Variants in WDR7 observed in about 807,000 individuals in gnomAD.
WDR7 encodes WD repeat-containing protein 7.
In WDR7, 46 loss-of-function variants were observed where a neutral mutation model predicts 169.4. The observed-to-expected ratio is 0.27, with a 90% CI of 0.21 to 0.35. The LOEUF is 0.35. WDR7 is among the 10% of genes least tolerant of loss of function. The pLI is 1.00. For synonymous variants in WDR7, 612 were observed against 666.8 expected (o/e 0.92, Z 1.27); for missense variants, 1,534 against 1,859.3 (o/e 0.83, Z 3.22).
chr18:56,829,160 G>T (rs1205666394), intron 20 of WDR7, among the ~76,000 whole-genome samples: 1 of 150,886 alleles, frequency 6.6e-6, no homozygotes, highest in Non-Finnish European at 1.5e-5. Flanking sequence ...GTGGTGGTGT[G>T]CACCTGTAGT....
chr18:56,826,777 C>A (rs948177257), intron 20 of WDR7, among the ~76,000 whole-genome samples: 17 of 152,102 alleles, frequency 1.1e-4, no homozygotes, highest in Admixed American at 2.0e-4. Context: ...TCTTTGTTTA[C>A]CCTTTCTGTA....
intron 20 of WDR7, among the ~76,000 whole-genome samples, chr18:56,862,695 T>C (rs924838924): frequency 6.6e-6 from 1 of 151,884 alleles, no homozygotes; most frequent in African/African-American, 2.4e-5. Context: ...ATTGAAAATA[T>C]AGTCTGCATC....
chr18:56,801,965 G>GT (rs948611257), intron 19 of WDR7, among the ~76,000 whole-genome samples: 1 of 152,052 alleles, frequency 6.6e-6, no homozygotes, highest in Non-Finnish European at 1.5e-5. Context: ...TAAATTTCAT[G>GT]TTTTTTCACT....
intron 14 of WDR7, among the ~76,000 whole-genome samples, chr18:56,752,413 C>G (rs147021523): frequency 1.3e-5 from 2 of 152,276 alleles, no homozygotes; most frequent in Non-Finnish European, 2.9e-5. Flanking sequence ...GGTACTTTCT[C>G]CATTGCGTCC....
At chr18:56,877,633 T>C (rs1341676731) in intron 20 of WDR7, among the ~76,000 whole-genome samples, 2 of 152,210 alleles carry the variant, frequency 1.3e-5, no homozygotes, top group Non-Finnish European at 2.9e-5. Context: ...TGTCTGTTGG[T>C]GTGTTTATCT....
At chr18:56,975,183 C>T (rs1254711532) in intron 26 of WDR7, among the ~76,000 whole-genome samples, 2 of 151,662 alleles carry the variant, frequency 1.3e-5, no homozygotes, top group Non-Finnish European at 2.9e-5. Flanking sequence ...TTGTAGTGAG[C>T]TGAGATCACG....
chr18:56,674,411 T>G (rs1229204311), intron 2 of WDR7, among the ~76,000 whole-genome samples: 1 of 152,206 alleles, frequency 6.6e-6, no homozygotes, highest in African/African-American at 2.4e-5. Context: ...TTTCATGTTC[T>G]CATTGGCCGT....
chr18:56,885,129 T>A (rs768459673), intron 21 of WDR7, among the ~76,000 whole-genome samples: 4 of 152,104 alleles, frequency 2.6e-5, no homozygotes, highest in Admixed American at 6.5e-5. Flanking sequence ...GACAAAAGAA[T>A]CTGAACAGCA....
intron 24 of WDR7, 102 bp downstream of exon 24, chr18:56,938,784 A>G (rs1165705711): frequency 2.2e-6 from 3 of 1,372,262 alleles, no homozygotes; most frequent in East Asian, 2.6e-5. Flanking sequence ...TCTAAAAGAG[A>G]TGAAGGGTGA....
chr18:56,854,120 G>T (rs113655455), intron 20 of WDR7, among the ~76,000 whole-genome samples: 2 of 152,170 alleles, frequency 1.3e-5, no homozygotes, highest in African/African-American at 4.8e-5. Flanking sequence ...TTGACTAAAT[G>T]TACGGGGATT....
chr18:56,724,412 A>T (rs899889046), intron 13 of WDR7, among the ~76,000 whole-genome samples: 3 of 151,370 alleles, frequency 2.0e-5, no homozygotes, highest in Admixed American at 6.6e-5. Flanking sequence ...GGGTTTCATC[A>T]TGTTTGCCAG....
chr18:56,792,610 T>TTG (rs1555692152), intron 19 of WDR7, among the ~76,000 whole-genome samples: 8 of 99,240 alleles, frequency 8.1e-5, no homozygotes, highest in Admixed American at 1.2e-4. Flanking sequence ...TTTTAAATCT[T>TTG]TGTTTTTTTT....
intron 22 of WDR7, among the ~76,000 whole-genome samples, chr18:56,935,501 GA>G (rs1415218749): frequency 6.6e-6 from 1 of 152,136 alleles, no homozygotes; most frequent in African/African-American, 2.4e-5. Context: ...TGAGCTTTGT[GA>G]TATGTATTCA....
intron 21 of WDR7, among the ~76,000 whole-genome samples, chr18:56,881,704 G>A (rs1453084713): frequency 6.6e-6 from 1 of 152,102 alleles, no homozygotes; most frequent in Non-Finnish European, 1.5e-5. Flanking sequence ...TCCTGCCTCA[G>A]CCTCCCAAGT....
intron 2 of WDR7, among the ~76,000 whole-genome samples, chr18:56,676,298 T>C (rs542495626): frequency 6.6e-6 from 1 of 152,168 alleles, no homozygotes; most frequent in Non-Finnish European, 1.5e-5. Flanking sequence ...CAAGAGATCA[T>C]TGGGTCTTGT....
intron 26 of WDR7, among the ~76,000 whole-genome samples, chr18:56,973,300 A>G (rs77341321): frequency 0.012 from 1,763 of 152,342 alleles, 40 homozygotes; most frequent in African/African-American, 0.041. Context: ...TCTACTGTTT[A>G]CAAACTGAGC....
chr18:56,661,317 C>T (rs563820707), intron 1 of WDR7, among the ~76,000 whole-genome samples: 1 of 152,128 alleles, frequency 6.6e-6, no homozygotes, highest in African/African-American at 2.4e-5. Context: ...TAATCAGTAA[C>T]TCTTGAAATT....
intron 19 of WDR7, among the ~76,000 whole-genome samples, chr18:56,814,716 A>G (rs188655812): frequency 1.3e-5 from 2 of 152,168 alleles, no homozygotes; most frequent in African/African-American, 4.8e-5. Flanking sequence ...TAATGAAATA[A>G]TTTGTACACT....
At chr18:56,844,982 T>C (rs977092840) in intron 20 of WDR7, among the ~76,000 whole-genome samples, 2 of 152,196 alleles carry the variant, frequency 1.3e-5, no homozygotes, top group African/African-American at 4.8e-5. Flanking sequence ...GTGCCTAATT[T>C]ATAAGTTAAA....
Sources: gnomAD v4.1 joint callset for allele counts (sites outside exome capture counted in the v4.1 genomes callset) on GRCh38, gnomAD v4.1.1 for gene constraint, MANE v1.5 for transcripts, NCBI Gene and HGNC (gene_info 2026-07-23, HGNC 2026-07-21) for gene names.